The following IQSEC1 variants were observed in gnomAD, a reference collection of about 807,000 sequenced individuals.
IQSEC1 encodes IQ motif and Sec7 domain ArfGEF 1, also known as IQ motif and SEC7 domain-containing protein 1.
A neutral mutation model predicts 91.0 loss-of-function variants in IQSEC1; 31 were observed. The observed-to-expected ratio is 0.34, with a 90% CI of 0.26 to 0.46. The LOEUF (loss-of-function observed/expected upper bound fraction) is 0.46. IQSEC1 is among the 20% of genes least tolerant of loss of function. The probability of loss-of-function intolerance (pLI) is 1.00; values close to 1 mark genes in which losing one functional copy is unlikely to be tolerated. For missense variants in IQSEC1, 1,388 were observed against 1,575.6 expected (o/e 0.88, Z 2.02); for synonymous variants, 699 against 662.6 (o/e 1.05, Z -0.84).
chr3:13,273,573 G>A (rs1695623896), intron 1 of IQSEC1, among the ~76,000 whole-genome samples: 1 of 152,134 alleles, frequency 6.6e-6, no homozygotes, highest in South Asian at 2.1e-4. Context: ...AGAGGGTGGG[G>A]CCGTGTGCCT....
intron 12 of IQSEC1, among the ~76,000 whole-genome samples, chr3:12,903,596 G>A (rs17037421): frequency 0.025 from 3,771 of 152,328 alleles, 154 homozygotes; most frequent in African/African-American, 0.087. Flanking sequence ...TGCGGGGTCC[G>A]TCAGAGCAAG....
At chr3:13,202,118 C>T (rs1694256068) in intron 1 of IQSEC1, among the ~76,000 whole-genome samples, 1 of 152,190 alleles carries the variant, frequency 6.6e-6, no homozygotes, top group Admixed American at 6.5e-5. Flanking sequence ...GCACCTCAGA[C>T]CCATTAGGAT....
At position 13,051,305 on chromosome 3, in the gene IQSEC1, C is replaced by G. The variant is rs137975341; in HGVS notation, c.23+21687G>C. ...CACAGCCTCCTGGGGAGGCTGCTTC[C>G]TTTTCCTTTTCAGAACCAACTGGTT... On this transcript the variant is annotated intron_variant, in intron 1 of 13. Coordinates refer to ENST00000613206, the MANE Select transcript of IQSEC1 (RefSeq NM_001134382.3). Among the ~76,000 whole-genome samples the G allele has an allele frequency of 3.0e-4, 46 of 152,348 alleles. 1 individual carries two copies. The East Asian group carries it at 7.5e-3, about 25-fold the overall frequency.
intron 1 of IQSEC1, among the ~76,000 whole-genome samples, chr3:13,210,982 CTGGA>C (rs1207471357): frequency 6.6e-6 from 1 of 152,236 alleles, no homozygotes; most frequent in Non-Finnish European, 1.5e-5. Flanking sequence ...ATGCCTCCCT[CTGGA>C]AAGATCATCC....
intron 13 of IQSEC1, 92 bp downstream of exon 13, chr3:12,902,681 A>AAC: frequency 3.2e-6 from 2 of 629,190 alleles, no homozygotes; most frequent in East Asian, 3.1e-5. Flanking sequence ...AAAAAAAAAA[A>AAC]AAAAAAAAAA....
chr3:13,034,284 G>A (rs901254338), intron 1 of IQSEC1, among the ~76,000 whole-genome samples: 9 of 152,182 alleles, frequency 5.9e-5, no homozygotes, highest in Non-Finnish European at 1.3e-4. Flanking sequence ...TGTCCAAGCC[G>A]GTGGCTGCCA....
chr3:13,215,196 G>T (rs191277728), intron 1 of IQSEC1, among the ~76,000 whole-genome samples: 22 of 152,162 alleles, frequency 1.4e-4, no homozygotes, highest in African/African-American at 5.3e-4. Context: ...CCAAGCCTCC[G>T]CCAGTGGGAT....
Position 13,193,766 on chromosome 3 carries a change from T to C in IQSEC1, c.273-29633A>G, listed in dbSNP as rs1167018964. 1.3e-5 allele frequency among the ~76,000 whole-genome samples: 2 copies of C among 152,116 alleles called. No homozygotes were observed. Among genetic ancestry groups the C allele is most frequent in the Non-Finnish European group, 2.9e-5 (2 of 68,020 alleles). ...CATGCTGTGCTGGACGCTGTCCCAC[T>C]TCCCCCGGCCCCACACCCTCCTGCC... On this transcript the variant is annotated intron_variant, in intron 1 of 15. Coordinates refer to the IQSEC1 transcript ENST00000648114. The surrounding 1 kb of genome is among the most constrained non-coding windows in gnomAD (Gnocchi z 4.2).
At chr3:12,923,028 G>C (rs1696780517) in intron 4 of IQSEC1, among the ~76,000 whole-genome samples, 1 of 152,152 alleles carries the variant, frequency 6.6e-6, no homozygotes, top group South Asian at 2.1e-4. Context: ...CCACATGGGG[G>C]CGATGCAGCT....
chr3:13,102,802 G>A (rs1425629273), intron 2 of IQSEC1, among the ~76,000 whole-genome samples: 1 of 152,126 alleles, frequency 6.6e-6, no homozygotes, highest in Non-Finnish European at 1.5e-5. Context: ...AGCTCCAGGA[G>A]GCGGGTACTG....
In IQSEC1 at chr3:12,909,652, G is replaced by A. The variant is rs1288541563; in HGVS notation, c.2417-218C>T. Reference sequence around the variant, plus strand: ...TGTGTCGCTCCACATGTGACTCAGGGACAAAAGTGGTCGAGCTCAGGGGAG... The same window carrying A: ...TGTGTCGCTCCACATGTGACTCAGGAACAAAAGTGGTCGAGCTCAGGGGAG... On this transcript the variant is annotated intron_variant, in intron 10 of 13. Coordinates refer to ENST00000613206, the MANE Select transcript of IQSEC1 (RefSeq NM_001134382.3). This position sits in a 1 kb window ranked among gnomAD's most constrained non-coding sequence, Gnocchi z 4.9. Among the ~76,000 whole-genome samples, 3 of 152,236 alleles carry A rather than the reference G, an allele frequency of 2.0e-5. No individual in the cohort carries two copies. The highest frequency in any genetic ancestry group is 7.2e-5 in the African/African-American group (3 of 41,462).
chr3:12,941,579 C>T lies in IQSEC1; in HGVS notation c.310G>A (p.Asp104Asn), dbSNP rs995060076. The T allele has an allele frequency of 1.3e-6, 2 of 1,575,734 alleles. No homozygotes were observed. The highest frequency in any genetic ancestry group is 2.3e-5 in the East Asian group (1 of 43,704). Reference protein sequence around the residue: ...ESYELSSDLQDKQVEMLERKY... With the variant: ...ESYELSSDLQNKQVEMLERKY... Reference sequence around the variant, plus strand: ...GGGCTGTGCTCTCCTACCTGCTTGTCCTGCAGGTCCGAGGAGAGCTCATAG... The same window carrying T: ...GGGCTGTGCTCTCCTACCTGCTTGTTCTGCAGGTCCGAGGAGAGCTCATAG... The change falls in exon 2 of 14, where the codon GAC (aspartate) becomes AAC (asparagine). Residue 104 changes from aspartate (D) to asparagine (N), a missense_variant. By Grantham distance (23) the Asp-to-Asn change is conservative. Transcript: ENST00000613206.
intron 1 of IQSEC1, among the ~76,000 whole-genome samples, chr3:13,164,282 G>C (rs909567185): frequency 6.6e-6 from 1 of 152,130 alleles, no homozygotes; most frequent in Non-Finnish European, 1.5e-5. Context: ...CCAATCCTCC[G>C]GGGTCTCTTG....
At chr3:13,203,360 G>A (rs1426456441) in intron 1 of IQSEC1, among the ~76,000 whole-genome samples, 2 of 152,096 alleles carry the variant, frequency 1.3e-5, no homozygotes, top group African/African-American at 2.4e-5. Flanking sequence ...TCTTCACCTC[G>A]CACAACTCTG....
chr3:13,069,708 C>T (rs1267458449), intron 1 of IQSEC1, among the ~76,000 whole-genome samples: 1 of 152,230 alleles, frequency 6.6e-6, no homozygotes, highest in Non-Finnish European at 1.5e-5. Flanking sequence ...AGCCTCACTT[C>T]CTGTGTTCAA....
At chr3:12,934,970 C>A (rs1398250003) in intron 3 of IQSEC1, among the ~76,000 whole-genome samples, 1 of 151,734 alleles carries the variant, frequency 6.6e-6, no homozygotes, top group Middle Eastern at 3.2e-3. Context: ...CAGACATGGC[C>A]TCAGGTCTGG....
chr3:13,233,816 T>C (rs1048567734), intron 1 of IQSEC1, among the ~76,000 whole-genome samples: 1 of 152,200 alleles, frequency 6.6e-6, no homozygotes, highest in Non-Finnish European at 1.5e-5. Context: ...AAAGCCCGGC[T>C]CCCTGCTCAC....
chr3:12,966,450 C>G (rs1026060513), intron 1 of IQSEC1, among the ~76,000 whole-genome samples: 7 of 152,332 alleles, frequency 4.6e-5, no homozygotes, highest in Admixed American at 1.3e-4. Flanking sequence ...GCCCCACCCC[C>G]CTGCTCCTCA....
intron 1 of IQSEC1, among the ~76,000 whole-genome samples, chr3:13,069,930 C>T (rs11128632): frequency 0.22 from 33,356 of 152,232 alleles, 3,909 homozygotes; most frequent in Middle Eastern, 0.42. Flanking sequence ...AAGAAATCTT[C>T]TCCTGCTTTT....
Sources: allele counts gnomAD v4.1 joint callset (sites outside exome capture counted in the v4.1 genomes callset), GRCh38; gene constraint gnomAD v4.1.1; non-coding constraint Gnocchi (gnomAD v3.1); transcripts MANE v1.5; gene names NCBI Gene and HGNC (gene_info 2026-07-23, HGNC 2026-07-21).